DCLK1: variants seen among roughly 807,000 people sequenced by gnomAD.
The protein encoded by DCLK1 is doublecortin like kinase 1, also known as serine/threonine-protein kinase DCLK1.
A neutral mutation model predicts 86.2 loss-of-function variants in DCLK1; 16 were observed. The ratio of observed to expected loss-of-function variants is 0.19; its 90% CI spans 0.13 to 0.28. The LOEUF (loss-of-function observed/expected upper bound fraction) is 0.28. Among genes scored for constraint, DCLK1 ranks in the 10% least tolerant of loss-of-function variants. The pLI, the probability that DCLK1 is intolerant of heterozygous loss-of-function variation, is 1.00. For missense variants in DCLK1, 590 were observed against 940.2 expected (o/e 0.63, Z 4.87); for synonymous variants, 369 against 370.5 (o/e 1.00, Z 0.05).
intron 3 of DCLK1, among the ~76,000 whole-genome samples, chr13:36,031,254 G>C (rs925520670): frequency 6.6e-6 from 1 of 151,672 alleles, no homozygotes; most frequent in South Asian, 2.1e-4. Context: ...TTCCATTTAG[G>C]CTAAAAAGTT....
intron 2 of DCLK1, among the ~76,000 whole-genome samples, chr13:36,114,318 G>A (rs1885708852): frequency 6.6e-6 from 1 of 152,198 alleles, no homozygotes. Flanking sequence ...ATGATCAGAA[G>A]AAATATGTGT....
At chr13:35,789,469 C>T (rs1440186968) in intron 16 of DCLK1, among the ~76,000 whole-genome samples, 1 of 152,154 alleles carries the variant, frequency 6.6e-6, no homozygotes, top group African/African-American at 2.4e-5. Context: ...AAGGTGTATG[C>T]TTGGCCACAA....
At chr13:35,800,991 T>C (rs2086908495) in intron 15 of DCLK1, among the ~76,000 whole-genome samples, 1 of 152,012 alleles carries the variant, frequency 6.6e-6, no homozygotes, top group Admixed American at 6.6e-5. Flanking sequence ...CCCAGAGTGC[T>C]GGGGTTACAG....
rs370196367 is a variant in DCLK1, at chr13:35,781,834, C to T, written c.2059-7135G>A. On this transcript the variant is annotated intron_variant, in intron 16 of 16. Coordinates refer to ENST00000360631, the MANE Select transcript of DCLK1 (RefSeq NM_001330071.2). The stretch of plus-strand genomic sequence containing the variant: ...CCCTTACTCTGTGGGGACTACATTA[C>T]GATTTGCTTGTCAGTTTGGAAATGT... Among the ~76,000 whole-genome samples, 31 of 152,272 alleles carry T rather than the reference C, an allele frequency of 2.0e-4. No homozygotes were observed. The East Asian group carries it at 4.8e-3, about 24-fold the overall frequency.
Position 35,947,410 on chromosome 13 carries a change from T to C in DCLK1, c.771A>G (p.Ala257=). The C allele has an allele frequency of 6.2e-7, 1 of 1,613,912 alleles. No individual in the cohort carries two copies. The highest frequency in any genetic ancestry group is 8.5e-7 in the Non-Finnish European group (1 of 1,179,922). ...GGTAACGGAACTTCTCCGGTCCACATGCAATAAAAATGTCATCATCACCAA... is the reference window on the plus strand; with the variant it reads ...GGTAACGGAACTTCTCCGGTCCACACGCAATAAAAATGTCATCATCACCAA... ...DFFGDDDIFI[A]CGPEKFRYQD... Residue 257 remains alanine (A), a synonymous_variant, in exon 4 of 17, where the codon GCA becomes GCG. Coordinates refer to ENST00000360631, the MANE Select transcript of DCLK1 (RefSeq NM_001330071.2).
In DCLK1 at chr13:35,806,342, A is replaced by G. The variant is rs576977392; in HGVS notation, c.1864-563T>C. On this transcript the variant is annotated intron_variant, in intron 14 of 16. Coordinates refer to ENST00000360631, the MANE Select transcript of DCLK1 (RefSeq NM_001330071.2). Reference sequence around the variant, plus strand: ...AAGAATTCTAAAGAAACATGTTACAATTGCTTGAAAAATTTCCAGACAAAT... The same window carrying G: ...AAGAATTCTAAAGAAACATGTTACAGTTGCTTGAAAAATTTCCAGACAAAT... Among the ~76,000 whole-genome samples the G allele has an allele frequency of 5.9e-5, 9 of 152,318 alleles. No homozygotes were observed. The East Asian group carries it at 1.4e-3, about 23-fold the overall frequency.
intron 3 of DCLK1, among the ~76,000 whole-genome samples, chr13:35,975,814 C>G (rs1250190262): frequency 6.6e-6 from 1 of 152,178 alleles, no homozygotes; most frequent in Non-Finnish European, 1.5e-5. Flanking sequence ...GCCACGCTCC[C>G]TTGCCTTTTG....
intron 7 of DCLK1, among the ~76,000 whole-genome samples, chr13:35,837,146 TTAG>T (rs1487038361): frequency 6.6e-6 from 1 of 152,242 alleles, no homozygotes; most frequent in Non-Finnish European, 1.5e-5. Context: ...ATGGGCTTTC[TTAG>T]TAGTTTTTGT....
chr13:35,869,041 T>A (rs1872063006), intron 5 of DCLK1: 6 of 475,826 alleles, frequency 1.3e-5, no homozygotes, highest in South Asian at 7.6e-5. Flanking sequence ...TCCACCCCCA[T>A]CAACCTCCCA....
At chr13:36,079,504 C>T (rs542106657) in intron 3 of DCLK1, among the ~76,000 whole-genome samples, 1 of 151,886 alleles carries the variant, frequency 6.6e-6, no homozygotes, top group South Asian at 2.1e-4. Context: ...TGGTGGCGGG[C>T]ACATGTAATC....
Position 36,040,358 on chromosome 13 carries a change from TTCCTCCATA to T in DCLK1, c.723+71502_723+71510del, listed in dbSNP as rs1882656214. 6.0e-5 allele frequency among the ~76,000 whole-genome samples: 8 copies of T among 133,780 alleles called. No homozygotes were observed. The South Asian group carries it at 2.1e-3, about 35-fold the overall frequency. The allele number at this position is 133,780 out of a possible 152,430, so 87.8% of individuals were successfully genotyped here. A position where few individuals can be genotyped will look rare whatever the true frequency, so the allele number is the denominator to read the frequency against. ...ATACTACTCAGAGATTTGCAGGGTA[TTCCTCCATA>T]GGAATACCCTGCAAATCTCTGAGTA... On this transcript the variant is annotated intron_variant, in intron 3 of 16. Coordinates refer to ENST00000360631, the MANE Select transcript of DCLK1 (RefSeq NM_001330071.2).
At chr13:36,091,902 T>TCAG (rs1307662313) in intron 3 of DCLK1, among the ~76,000 whole-genome samples, 2 of 152,132 alleles carry the variant, frequency 1.3e-5, no homozygotes, top group Non-Finnish European at 2.9e-5. Context: ...CCTCCCCAAA[T>TCAG]CCAATACAGC....
intron 11 of DCLK1, 40 bp from the exon 12 acceptor site, chr13:35,811,008 G>C (rs368820096): frequency 2.1e-5 from 34 of 1,611,868 alleles, no homozygotes; most frequent in Non-Finnish European, 2.8e-5. Context: ...TGAAAACCAA[G>C]AGCTCAAAAG....
chr13:35,861,043 C>T (rs916216463), intron 5 of DCLK1, among the ~76,000 whole-genome samples: 4 of 152,184 alleles, frequency 2.6e-5, no homozygotes, highest in African/African-American at 9.7e-5. Context: ...GGAAGATGTC[C>T]TTCACTTGAG....
chr13:35,976,727 G>T (rs1041587868), intron 3 of DCLK1, among the ~76,000 whole-genome samples: 3 of 151,336 alleles, frequency 2.0e-5, no homozygotes, highest in Admixed American at 6.6e-5. Context: ...GTAGAGACGG[G>T]GTTTCACCGT....
chr13:35,878,748 G>A (rs1872721001), intron 4 of DCLK1, among the ~76,000 whole-genome samples: 1 of 151,986 alleles, frequency 6.6e-6, no homozygotes, highest in Admixed American at 6.5e-5. Flanking sequence ...AATATCTCAT[G>A]TACTCCATAA....
At chr13:35,839,026 T>C (rs1054760757) in intron 7 of DCLK1, 66 bp downstream of exon 7, 59 of 1,440,820 alleles carry the variant, frequency 4.1e-5, no homozygotes, top group Non-Finnish European at 5.1e-5. Context: ...GAAGCCACAG[T>C]TTCTTGGAGT....
At chr13:36,006,199 C>T (rs1320890450) in intron 3 of DCLK1, among the ~76,000 whole-genome samples, 2 of 152,124 alleles carry the variant, frequency 1.3e-5, no homozygotes, top group East Asian at 3.9e-4. Context: ...GTTTGGATTA[C>T]ATAGAAACTT....
intron 3 of DCLK1, among the ~76,000 whole-genome samples, chr13:36,057,597 T>G (rs2153158524): frequency 6.6e-6 from 1 of 152,314 alleles, no homozygotes; most frequent in East Asian, 1.9e-4. Context: ...GGGTCTTTGT[T>G]CAGGCCTTGT....
Sources: gnomAD v4.1 joint callset for allele counts (sites outside exome capture counted in the v4.1 genomes callset) on GRCh38, gnomAD v4.1.1 for gene constraint, MANE v1.5 for transcripts, NCBI Gene and HGNC (gene_info 2026-07-23, HGNC 2026-07-21) for gene names.